The following TMEM154 variants were observed in gnomAD, a reference collection of about 807,000 sequenced individuals.
TMEM154 encodes the protein transmembrane protein 154.
Under a neutral mutation model 24.5 loss-of-function variants are expected in TMEM154, and 27 were observed. The ratio of observed to expected loss-of-function variants is 1.10; its 90% CI spans 0.81 to 1.52. TMEM154 has a LOEUF of 1.52. Among genes scored for constraint, TMEM154 ranks in the 40% most tolerant of loss-of-function variants. The pLI is 0.00. For synonymous variants in TMEM154, 67 were observed against 76.8 expected (o/e 0.87, Z 0.67); for missense variants, 228 against 213.4 (o/e 1.07, Z -0.43).
In TMEM154 at chr4:152,628,277, T is replaced by C. The variant is rs1464350453; in HGVS notation, c.*269A>G. 3.5e-6 allele frequency: 2 copies of C among 571,366 alleles called. No individual in the cohort carries two copies. Among genetic ancestry groups the C allele is most frequent in the Non-Finnish European group, 6.1e-6 (2 of 326,600 alleles). The allele number at this position is 571,366 out of a possible 1,614,324, so 35.4% of individuals were successfully genotyped here. On this transcript the variant is annotated 3_prime_UTR_variant, in exon 7 of 7. Coordinates refer to ENST00000304385, the MANE Select transcript of TMEM154 (RefSeq NM_152680.3). Reference sequence around the variant, plus strand: ...GGAGGCAACACATGTTGATCAGAAGTGAGCACATCACCCGCCTCCTTCTCC... The same window carrying C: ...GGAGGCAACACATGTTGATCAGAAGCGAGCACATCACCCGCCTCCTTCTCC...
intron 4 of TMEM154, among the ~76,000 whole-genome samples, chr4:152,643,448 C>T (rs1307553203): frequency 6.6e-6 from 1 of 152,228 alleles, no homozygotes; most frequent in Non-Finnish European, 1.5e-5. Flanking sequence ...AGGCTGACTG[C>T]TCCCCTGAAG....
intron 3 of TMEM154, among the ~76,000 whole-genome samples, chr4:152,648,777 C>T (rs570107036): frequency 6.6e-6 from 1 of 152,168 alleles, no homozygotes; most frequent in Non-Finnish European, 1.5e-5. Flanking sequence ...GATTTGGAGC[C>T]TAAGAGCCTC....
At position 152,653,900 on chromosome 4, in the gene TMEM154, G is replaced by C. The variant is rs1214431453; in HGVS notation, c.65-973C>G. Among the ~76,000 whole-genome samples, 2 of 151,630 alleles carry C rather than the reference G, an allele frequency of 1.3e-5. 1 individual carries two copies. Among genetic ancestry groups the C allele is most frequent in the South Asian group, 4.2e-4 (2 of 4,796 alleles). On this transcript the variant is annotated intron_variant, in intron 1 of 6. Transcript: ENST00000304385. ...CTAAAAATACAAAAATTAGCTGGGC[G>C]TGGTGGTGCATGCCTATAATCCCAG... is the stretch of plus-strand genomic sequence containing the variant.
intron 1 of TMEM154, among the ~76,000 whole-genome samples, chr4:152,675,301 G>A (rs549193554): frequency 2.0e-5 from 3 of 149,202 alleles, no homozygotes; most frequent in Non-Finnish European, 4.5e-5. Context: ...AATAACACAA[G>A]GGAAAAAAAC....
chr4:152,634,413 T>G (rs542130478), intron 6 of TMEM154, among the ~76,000 whole-genome samples: 1 of 152,350 alleles, frequency 6.6e-6, no homozygotes, highest in African/African-American at 2.4e-5. Flanking sequence ...CAGAGTTCAG[T>G]TTAGCATAAA....
rs1241093596 is a variant in TMEM154 at position 152,621,098 on chromosome 4, C to A, written c.*7448G>T. On this transcript the variant is annotated 3_prime_UTR_variant, in exon 7 of 7. Coordinates refer to ENST00000304385, the MANE Select transcript of TMEM154 (RefSeq NM_152680.3). ...CAACCATAGAGATGACTGTTCCCTG[C>A]TGCCTTGCAGAGATTGGCCAATGAG... 2 of 152,222 alleles carry A rather than the reference C, an allele frequency of 1.3e-5. No individual in the cohort carries two copies. Among genetic ancestry groups the A allele is most frequent in the Non-Finnish European group, 2.9e-5 (2 of 68,040 alleles). 9.4% of individuals were successfully genotyped at this position (152,222 alleles called of 1,614,324 possible). A position where few individuals can be genotyped will look rare whatever the true frequency, so the allele number is the denominator to read the frequency against.
At chr4:152,671,967 G>T (rs1728849301) in intron 1 of TMEM154, among the ~76,000 whole-genome samples, 1 of 151,642 alleles carries the variant, frequency 6.6e-6, no homozygotes, top group Non-Finnish European at 1.5e-5. Flanking sequence ...AGATGAAAGT[G>T]GGTGTGGCTG....
At chr4:152,660,376 G>C (rs1214283786) in intron 1 of TMEM154, among the ~76,000 whole-genome samples, 11 of 149,440 alleles carry the variant, frequency 7.4e-5, no homozygotes, top group African/African-American at 2.5e-4. Context: ...TCCAGACCCC[G>C]CCCCCCCCTC....
intron 3 of TMEM154, 97 bp downstream of exon 3, chr4:152,652,441 A>C (rs1728403814): frequency 6.6e-7 from 1 of 1,524,110 alleles, no homozygotes; most frequent in African/African-American, 1.4e-5. Context: ...TTTATCACTT[A>C]CTATTATATG....
intron 3 of TMEM154, among the ~76,000 whole-genome samples, chr4:152,645,436 T>C (rs1253863804): frequency 6.6e-6 from 1 of 152,170 alleles, no homozygotes; most frequent in African/African-American, 2.4e-5. Flanking sequence ...AGACTCCAAA[T>C]GAACAAGTGG....
chr4:152,653,086 T>C (rs1728420693), intron 1 of TMEM154, among the ~76,000 whole-genome samples, 159 bp from the exon 2 acceptor site: 2 of 152,226 alleles, frequency 1.3e-5, no homozygotes, highest in Admixed American at 1.3e-4. Context: ...TGATTTAACA[T>C]AAATGAAGCT....
At position 152,624,247 on chromosome 4, in the gene TMEM154, A is replaced by C. The variant is rs1303129819; in HGVS notation, c.*4299T>G. 1 of 152,206 alleles carries C rather than the reference A, an allele frequency of 6.6e-6. No individual in the cohort carries two copies. The highest frequency in any genetic ancestry group is 1.5e-5 in the Non-Finnish European group (1 of 68,036). 9.4% of individuals were successfully genotyped at this position (152,206 alleles called of 1,614,324 possible). ...AATTGTATATACTGCTATCTCAGGAACATGATATGTTATTTAGAAAAGATA... is the reference window on the plus strand; with the variant it reads ...AATTGTATATACTGCTATCTCAGGACCATGATATGTTATTTAGAAAAGATA... On this transcript the variant is annotated 3_prime_UTR_variant, in exon 7 of 7. Coordinates refer to ENST00000304385, the MANE Select transcript of TMEM154 (RefSeq NM_152680.3).
intron 4 of TMEM154, among the ~76,000 whole-genome samples, chr4:152,644,045 T>C (rs1752307611): frequency 6.6e-6 from 1 of 152,054 alleles, no homozygotes; most frequent in South Asian, 2.1e-4. Flanking sequence ...AAATACCAGC[T>C]CAAGTATCTT....
At chr4:152,631,690 C>A (rs1233567594) in intron 6 of TMEM154, among the ~76,000 whole-genome samples, 6 of 151,712 alleles carry the variant, frequency 4.0e-5, no homozygotes, top group Non-Finnish European at 7.4e-5. Context: ...CTCAGCCTCT[C>A]AAAGTGCTGG....
chr4:152,645,107 T>G (rs1752333465), intron 3 of TMEM154, among the ~76,000 whole-genome samples: 1 of 95,078 alleles, frequency 1.1e-5, no homozygotes, highest in Non-Finnish European at 2.1e-5. Context: ...TTCTCATTGG[T>G]CAACCCGTCT....
intron 3 of TMEM154, among the ~76,000 whole-genome samples, chr4:152,645,392 G>C (rs988525815): frequency 6.6e-6 from 1 of 152,188 alleles, no homozygotes; most frequent in African/African-American, 2.4e-5. Context: ...GTGAGAGTCA[G>C]GTAACTGTTT....
Position 152,621,359 on chromosome 4 carries a change from A to T in TMEM154, c.*7187T>A, listed in dbSNP as rs1053155553. On this transcript the variant is annotated 3_prime_UTR_variant, in exon 7 of 7. Transcript: ENST00000304385. The stretch of plus-strand genomic sequence containing the variant: ...TAGATGACCAGGGAGCGGCCATATG[A>T]GCTCACCTTGAATCAGGAACTTAAT... The T allele has an allele frequency of 6.6e-6, 1 of 152,208 alleles. No individual in the cohort carries two copies. The highest frequency in any genetic ancestry group is 1.5e-5 in the Non-Finnish European group (1 of 68,038). The allele number at this position is 152,208 out of a possible 1,614,324, so 9.4% of individuals were successfully genotyped here. A position where few individuals can be genotyped will look rare whatever the true frequency, so the allele number is the denominator to read the frequency against.
chr4:152,620,760 C>G lies in TMEM154; in HGVS notation c.*7786G>C, dbSNP rs965333578. On this transcript the variant is annotated 3_prime_UTR_variant, in exon 7 of 7. Transcript: ENST00000304385. Reference sequence around the variant, plus strand: ...AGGTGATCCGCCTGCCTCGGCCTCCCAAAGTGGTGGGATTACAGGTGTGAG... The same window carrying G: ...AGGTGATCCGCCTGCCTCGGCCTCCGAAAGTGGTGGGATTACAGGTGTGAG... The G allele has an allele frequency of 1.3e-5, 2 of 152,188 alleles. No homozygotes were observed. The highest frequency in any genetic ancestry group is 2.4e-5 in the African/African-American group (1 of 41,418). 9.4% of individuals were successfully genotyped at this position (152,188 alleles called of 1,614,324 possible). A position where few individuals can be genotyped will look rare whatever the true frequency, so the allele number is the denominator to read the frequency against.
intron 1 of TMEM154, among the ~76,000 whole-genome samples, chr4:152,675,105 C>T (rs1451834443): frequency 4.6e-5 from 6 of 130,606 alleles, no homozygotes; most frequent in South Asian, 4.8e-4. Flanking sequence ...TGCAGTGAGC[C>T]GAGATCACAC....
Sources: gnomAD v4.1 joint callset for allele counts (sites outside exome capture counted in the v4.1 genomes callset) on GRCh38, gnomAD v4.1.1 for gene constraint, MANE v1.5 for transcripts, NCBI Gene and HGNC (gene_info 2026-07-23, HGNC 2026-07-21) for gene names.